SUGCT: variants seen among roughly 807,000 people sequenced by gnomAD.
The protein encoded by SUGCT is succinyl-CoA:glutarate CoA-transferase.
SUGCT carries 41 observed loss-of-function variants against 55.0 expected under a neutral mutation model. That is an observed-to-expected ratio of 0.74 (90% CI 0.58 to 0.97). SUGCT has a LOEUF of 0.97. Among genes scored for constraint, SUGCT ranks in the 50% least tolerant of loss-of-function variants. The pLI is 0.00. For missense variants in SUGCT, 568 were observed against 547.8 expected (o/e 1.04, Z -0.37); for synonymous variants, 187 against 200.4 (o/e 0.93, Z 0.56).
At chr7:40,616,451 G>T (rs2151782876) in intron 12 of SUGCT, among the ~76,000 whole-genome samples, 1 of 152,314 alleles carries the variant, frequency 6.6e-6, no homozygotes, top group East Asian at 1.9e-4. Flanking sequence ...CAAAGTGCTG[G>T]GATTACAGGC....
At chr7:40,259,074 C>T (rs551152897) in intron 7 of SUGCT, among the ~76,000 whole-genome samples, 10 of 152,302 alleles carry the variant, frequency 6.6e-5, no homozygotes, top group South Asian at 2.1e-4. Flanking sequence ...AGAAGATGAA[C>T]ACCACATGAC....
At chr7:40,185,711 C>T (rs760589132) in intron 3 of SUGCT, among the ~76,000 whole-genome samples, 30 of 151,968 alleles carry the variant, frequency 2.0e-4, no homozygotes, top group African/African-American at 3.9e-4. Context: ...TTAGTAGAGA[C>T]GGGGTTTCAC....
At chr7:40,642,578 G>A (rs1426206388) in intron 12 of SUGCT, among the ~76,000 whole-genome samples, 1 of 152,280 alleles carries the variant, frequency 6.6e-6, no homozygotes, top group East Asian at 1.9e-4. Flanking sequence ...TAAGTTAAGA[G>A]GCAGAATCAG....
chr7:40,369,009 C>G (rs1784151874), intron 9 of SUGCT, among the ~76,000 whole-genome samples: 1 of 151,624 alleles, frequency 6.6e-6, no homozygotes, highest in African/African-American at 2.4e-5. Context: ...GAGGCTGAGG[C>G]AGAAGAATAG....
At chr7:40,971,762 T>C in the SUGCT span, among the ~76,000 whole-genome samples, 1 of 152,306 alleles carries the variant, frequency 6.6e-6, no homozygotes, top group African/African-American at 2.4e-5. Context: ...TGGGTTGTCG[T>C]CAGTACCACA....
the SUGCT span, among the ~76,000 whole-genome samples, chr7:41,037,244 C>G: frequency 5.1e-4 from 77 of 152,004 alleles, no homozygotes; most frequent in Non-Finnish European, 5.9e-4. Flanking sequence ...CCTCTGAAGC[C>G]GAATCATTTC....
intron 12 of SUGCT, among the ~76,000 whole-genome samples, chr7:40,595,642 CAA>C (rs11365939): frequency 3.3e-4 from 40 of 121,804 alleles, no homozygotes; most frequent in African/African-American, 6.5e-4. Flanking sequence ...TTTCATGCCA[CAA>C]AAAAAAAAAA....
the SUGCT span, among the ~76,000 whole-genome samples, chr7:40,955,503 A>G: frequency 1.3e-5 from 2 of 152,190 alleles, no homozygotes; most frequent in Non-Finnish European, 2.9e-5. Context: ...GACTTTGCTG[A>G]AGTTGCTTAT....
intron 6 of SUGCT, among the ~76,000 whole-genome samples, chr7:40,228,405 A>C (rs1182158740): frequency 6.6e-6 from 1 of 151,878 alleles, no homozygotes; most frequent in Non-Finnish European, 1.5e-5. Flanking sequence ...CAGTTAATTT[A>C]TTCTGTTGTG....
intron 6 of SUGCT, among the ~76,000 whole-genome samples, chr7:40,205,703 G>T (rs1786934871): frequency 6.6e-6 from 1 of 151,568 alleles, no homozygotes; most frequent in Non-Finnish European, 1.5e-5. Context: ...AGCTCTGCTG[G>T]GTGTAATTAG....
At chr7:40,184,390 C>T (rs1011236809) in intron 3 of SUGCT, among the ~76,000 whole-genome samples, 1 of 152,114 alleles carries the variant, frequency 6.6e-6, no homozygotes, top group African/African-American at 2.4e-5. Flanking sequence ...AGCAATCCTC[C>T]TACCTTAGCT....
intron 11 of SUGCT, among the ~76,000 whole-genome samples, chr7:40,491,747 T>C (rs943675716): frequency 1.3e-5 from 2 of 151,874 alleles, no homozygotes; most frequent in Admixed American, 1.3e-4. Flanking sequence ...TTCCAGCACT[T>C]TGGGAGGCCA....
the SUGCT span, among the ~76,000 whole-genome samples, chr7:40,949,162 T>C: frequency 0.051 from 7,737 of 152,320 alleles, 294 homozygotes; most frequent in South Asian, 0.16. Context: ...TGGTGTGAGA[T>C]GGTATCTCAT....
chr7:40,890,301 A>C, the SUGCT span, among the ~76,000 whole-genome samples: 1 of 141,448 alleles, frequency 7.1e-6, no homozygotes, highest in African/African-American at 2.7e-5. Flanking sequence ...ATATAATATA[A>C]ATTAAATATT....
chr7:40,438,984 G>C (rs1048142315), intron 9 of SUGCT, among the ~76,000 whole-genome samples: 1 of 142,232 alleles, frequency 7.0e-6, no homozygotes, highest in African/African-American at 2.6e-5. Context: ...ATATACTACT[G>C]TATATATAGA....
the SUGCT span, among the ~76,000 whole-genome samples, chr7:40,934,318 C>G: frequency 2.6e-5 from 4 of 152,148 alleles, no homozygotes. Flanking sequence ...GAAGCTTCAT[C>G]CCAGAGGGGC....
the SUGCT span, among the ~76,000 whole-genome samples, chr7:40,925,258 G>T: frequency 6.6e-6 from 1 of 152,146 alleles, no homozygotes; most frequent in African/African-American, 2.4e-5. Context: ...AATTCACACT[G>T]AAAATGGTTT....
intron 12 of SUGCT, among the ~76,000 whole-genome samples, chr7:40,665,815 T>C (rs1801599234): frequency 6.6e-6 from 1 of 152,108 alleles, no homozygotes; most frequent in Non-Finnish European, 1.5e-5. Context: ...ACAGCAAGGT[T>C]CTTATTTATT....
intron 13 of SUGCT, among the ~76,000 whole-genome samples, chr7:40,764,224 CCTGTTAAATGCCTTACCT>C (rs1420185194): frequency 6.6e-6 from 1 of 152,148 alleles, no homozygotes; most frequent in Non-Finnish European, 1.5e-5. Flanking sequence ...CCAACCATTC[CCTGTTAAATGCCTTACCT>C]CAGCTCACCA....
Sources: allele counts gnomAD v4.1 joint callset (sites outside exome capture counted in the v4.1 genomes callset), GRCh38; gene constraint gnomAD v4.1.1; transcripts MANE v1.5; gene names NCBI Gene and HGNC (gene_info 2026-07-23, HGNC 2026-07-21).